PACRG: variants seen among roughly 807,000 people sequenced by gnomAD.
PACRG encodes the protein parkin coregulated.
PACRG carries 29 observed loss-of-function variants against 29.7 expected under a neutral mutation model. The ratio of observed to expected loss-of-function variants is 0.98; its 90% CI spans 0.73 to 1.33. PACRG has a LOEUF of 1.33. Ranked by LOEUF, PACRG falls within the 40% of genes most tolerant of loss-of-function variation. The probability of loss-of-function intolerance (pLI) is 0.00; values close to 1 mark genes in which losing one functional copy is unlikely to be tolerated. For synonymous variants in PACRG, 116 were observed against 118.7 expected (o/e 0.98, Z 0.15); for missense variants, 279 against 316.2 (o/e 0.88, Z 0.89).
chr6:162,827,371 A>T (rs1416009617), intron 2 of PACRG, among the ~76,000 whole-genome samples: 2 of 152,210 alleles, frequency 1.3e-5, no homozygotes, highest in African/African-American at 4.8e-5. Flanking sequence ...TCATTTCATG[A>T]GAAAGAAATA....
intron 2 of PACRG, among the ~76,000 whole-genome samples, chr6:163,047,809 A>C (rs1809553595): frequency 6.6e-6 from 1 of 152,158 alleles, no homozygotes. Context: ...CTACCCAACC[A>C]TAAGCAAAAT....
intron 4 of PACRG, among the ~76,000 whole-genome samples, chr6:163,215,105 C>G (rs898681679): frequency 6.6e-6 from 1 of 151,946 alleles, no homozygotes; most frequent in African/African-American, 2.4e-5. Context: ...ATAAATGCCA[C>G]TCAGTCACGG....
intron 2 of PACRG, among the ~76,000 whole-genome samples, chr6:162,955,330 C>T (rs111376043): frequency 0.016 from 2,477 of 152,204 alleles, 25 homozygotes; most frequent in Non-Finnish European, 0.027. Context: ...GACGGAGTCT[C>T]TCTCTGTTGC....
chr6:162,887,711 C>T (rs1794452216), intron 2 of PACRG, among the ~76,000 whole-genome samples: 1 of 152,008 alleles, frequency 6.6e-6, no homozygotes, highest in Non-Finnish European at 1.5e-5. Context: ...AAGTTTTGAC[C>T]TCGCCCTGCC....
At chr6:163,265,165 A>G (rs760027518) in intron 4 of PACRG, among the ~76,000 whole-genome samples, 8 of 152,214 alleles carry the variant, frequency 5.3e-5, no homozygotes, top group Non-Finnish European at 8.8e-5. Flanking sequence ...AGTGGGCTCT[A>G]AAGATAGTAT....
At chr6:163,267,386 A>G (rs1783568929) in intron 4 of PACRG, among the ~76,000 whole-genome samples, 1 of 152,218 alleles carries the variant, frequency 6.6e-6, no homozygotes. Context: ...GAAATGAGCC[A>G]ACGTACAAGA....
intron 2 of PACRG, among the ~76,000 whole-genome samples, chr6:162,909,426 G>C (rs1037127026): frequency 7.9e-5 from 12 of 151,920 alleles, no homozygotes; most frequent in Admixed American, 7.2e-4. Flanking sequence ...GTGGTGGAGG[G>C]CACCTGTAGT....
At chr6:163,130,362 A>AT (rs918846177) in intron 4 of PACRG, among the ~76,000 whole-genome samples, 8 of 151,894 alleles carry the variant, frequency 5.3e-5, no homozygotes, top group African/African-American at 1.9e-4. Context: ...ATTTCACTTT[A>AT]TTTTTTCTCC....
intron 2 of PACRG, among the ~76,000 whole-genome samples, chr6:162,818,688 C>A (rs1787566853): frequency 6.6e-6 from 1 of 152,158 alleles, no homozygotes; most frequent in South Asian, 2.1e-4. Context: ...TCTCTAAAAT[C>A]TTTCACTTTC....
intron 1 of PACRG, among the ~76,000 whole-genome samples, chr6:162,770,385 T>C (rs1296673207): frequency 1.3e-5 from 2 of 152,196 alleles, no homozygotes; most frequent in African/African-American, 4.8e-5. Context: ...TAGCTGGTGA[T>C]AAAAGTTATA....
intron 2 of PACRG, among the ~76,000 whole-genome samples, chr6:162,946,169 TAA>T (rs1020904145): frequency 1.3e-5 from 2 of 150,296 alleles, no homozygotes; most frequent in African/African-American, 4.9e-5. Flanking sequence ...AGAGCAGAAC[TAA>T]ATAAAATAGA....
intron 4 of PACRG, among the ~76,000 whole-genome samples, chr6:163,283,309 C>T (rs945727948): frequency 6.6e-6 from 1 of 152,074 alleles, no homozygotes; most frequent in South Asian, 2.1e-4. Context: ...GCGCTTAACT[C>T]GAAGATGTGG....
At chr6:163,135,586 TTATTA>T (rs1816902100) in intron 4 of PACRG, among the ~76,000 whole-genome samples, 2 of 152,368 alleles carry the variant, frequency 1.3e-5, no homozygotes, top group Admixed American at 1.3e-4. Flanking sequence ...TCCTTTCTCT[TTATTA>T]TAAACAATGA....
chr6:162,967,206 T>G (rs933217474), intron 2 of PACRG, among the ~76,000 whole-genome samples: 3 of 151,808 alleles, frequency 2.0e-5, no homozygotes, highest in Middle Eastern at 3.4e-3. Context: ...AAGAAGCAGA[T>G]ATTTTCCTAG....
rs113672294 is a variant in PACRG, at chr6:163,120,654, T to C, written c.613+31246T>C. On this transcript the variant is annotated intron_variant, in intron 4 of 4. Transcript: ENST00000366888. ...TCTACTTTCTCCTCATCAGCAAAAG[T>C]AGTTCTACTTTTGTTTTTGGTTTTT... Among the ~76,000 whole-genome samples the C allele has an allele frequency of 5.1e-3, 780 of 152,272 alleles. 6 individuals are homozygous for C. Among genetic ancestry groups the C allele is most frequent in the African/African-American group, 0.018 (742 of 41,544 alleles).
At chr6:162,904,340 C>T (rs1037910057) in intron 2 of PACRG, among the ~76,000 whole-genome samples, 5 of 152,224 alleles carry the variant, frequency 3.3e-5, no homozygotes, top group African/African-American at 9.6e-5. Context: ...CAGGGCCCTT[C>T]TGTGAAACTC....
At chr6:163,090,083 A>G (rs1171114016) in intron 4 of PACRG, among the ~76,000 whole-genome samples, 1 of 151,936 alleles carries the variant, frequency 6.6e-6, no homozygotes, top group Non-Finnish European at 1.5e-5. Context: ...ATAAGTCAAC[A>G]TGAAGTTATT....
rs1429598703 is a variant in PACRG at position 163,062,172 on chromosome 6, A to G, written c.314A>G (p.Tyr105Cys). 1 of 1,613,936 alleles carries G rather than the reference A, an allele frequency of 6.2e-7. No homozygotes were observed. Among genetic ancestry groups the G allele is most frequent in the African/African-American group, 1.3e-5 (1 of 75,020 alleles). Residue 105 changes from tyrosine (Y) to cysteine (C), a missense_variant, in exon 3 of 5, where the codon TAC becomes TGC. Tyr to Cys is a radical substitution (Grantham distance 194). Coordinates refer to ENST00000366888, the MANE Select transcript of PACRG (RefSeq NM_001080379.2). The stretch of plus-strand genomic sequence containing the variant: ...CAGGTAGAAATTGAGAAGCTGGATT[A>G]CCATCATTATCTGCCTCTGTTTTTT... ...AWKVEIEKLD[Y>C]HHYLPLFFDG...
At chr6:163,311,922 C>T (rs756039125) in intron 4 of PACRG, among the ~76,000 whole-genome samples, 2 of 152,070 alleles carry the variant, frequency 1.3e-5, no homozygotes, top group Non-Finnish European at 2.9e-5. Context: ...AGATCTTCCA[C>T]GCCCTTTCCC....
Sources: gnomAD v4.1 joint callset for allele counts (sites outside exome capture counted in the v4.1 genomes callset) on GRCh38, gnomAD v4.1.1 for gene constraint, MANE v1.5 for transcripts, NCBI Gene and HGNC (gene_info 2026-07-23, HGNC 2026-07-21) for gene names.